Variants in KIF13B observed in about 807,000 individuals in gnomAD.
KIF13B encodes kinesin family member 13B, also known as kinesin-like protein KIF13B.
KIF13B carries 127 observed loss-of-function variants against 222.0 expected under a neutral mutation model. That is an observed-to-expected ratio of 0.57 (90% CI 0.50 to 0.66). KIF13B has a LOEUF of 0.66. KIF13B is among the 30% of genes least tolerant of loss of function. The pLI is 0.00. For missense variants in KIF13B, 2,173 were observed against 2,379.0 expected, an observed-to-expected ratio of 0.91 and a Z score of 1.80; for synonymous variants, 976 against 919.0, an observed-to-expected ratio of 1.06 and a Z score of -1.12.
At position 29,116,982 on chromosome 8, in the gene KIF13B, G is replaced by C; in HGVS notation, c.3686C>G (p.Ser1229Cys). The part of the protein sequence containing the change: ...GEVKAEASWD[S>C]AVHGCPQLSR... ...GAGCTGAGGGCAGCCATGCACCGCG[G>C]AGTCCCAGGAGGCTTCTGCTTTCAC... Residue 1229 changes from serine to cysteine, a missense_variant, in exon 31 of 40, where the codon TCC (serine) becomes TGC (cysteine). Ser to Cys is a moderately radical substitution (Grantham distance 112). This residue lies in a region of KIF13B where 1,480 missense variants were observed against 1,722.8 expected (regional missense o/e 0.86). Transcript: ENST00000524189. 6.3e-7 allele frequency: 1 copy of C among 1,594,586 alleles called. No individual in the cohort carries two copies. The highest frequency in any genetic ancestry group is 8.6e-7 in the Non-Finnish European group (1 of 1,166,422).
chr8:29,112,293 C>T (rs1028660585), intron 32 of KIF13B, among the ~76,000 whole-genome samples: 13 of 151,886 alleles, frequency 8.6e-5, no homozygotes, highest in Non-Finnish European at 1.5e-4. Flanking sequence ...ATTAGCTGGG[C>T]GTGGTGGCAC....
intron 2 of KIF13B, among the ~76,000 whole-genome samples, chr8:29,239,509 C>A (rs1453914437): frequency 2.0e-5 from 3 of 152,124 alleles, no homozygotes; most frequent in African/African-American, 7.2e-5. Context: ...AAGATGGGAA[C>A]AAGAGACACT....
At chr8:29,160,075 T>C (rs947832597) in intron 13 of KIF13B, among the ~76,000 whole-genome samples, 1 of 152,246 alleles carries the variant, frequency 6.6e-6, no homozygotes, top group African/African-American at 2.4e-5. Flanking sequence ...CAGCCCATTC[T>C]GGGCACTCCT....
chr8:29,258,580 T>C (rs1816569545), intron 1 of KIF13B, among the ~76,000 whole-genome samples: 2 of 152,192 alleles, frequency 1.3e-5, no homozygotes, highest in East Asian at 3.8e-4. Flanking sequence ...AGAATCTCCA[T>C]TCTGGCAGGC....
intron 21 of KIF13B, among the ~76,000 whole-genome samples, chr8:29,135,827 C>G (rs1339442177): frequency 6.6e-6 from 1 of 152,118 alleles, no homozygotes; most frequent in South Asian, 2.1e-4. Flanking sequence ...ACCCGGGAGG[C>G]GGAGGTTGCA....
intron 35 of KIF13B, among the ~76,000 whole-genome samples, chr8:29,107,705 T>A (rs867107867): frequency 1.3e-5 from 2 of 151,600 alleles, no homozygotes; most frequent in African/African-American, 4.8e-5. Flanking sequence ...GGACTACAGG[T>A]GCCCGCCACC....
Position 29,099,206 on chromosome 8 carries a change from G to A in KIF13B, c.4251C>T (p.Thr1417=). Residue 1417 remains threonine (T), a synonymous_variant, in exon 36 of 40, where the codon ACC becomes ACT. Transcript: ENST00000524189. Reference sequence around the variant, plus strand: ...CAGGAGCTATTCCTCTGGAAACTGTGGTTTGGGATACATCCTGCTGACTTT... The same window carrying A: ...CAGGAGCTATTCCTCTGGAAACTGTAGTTTGGGATACATCCTGCTGACTTT... ...RWESQQDVSQ[T]TVSRGIAPAP... is the part of the protein sequence containing the mutation. The A allele has an allele frequency of 6.2e-7, 1 of 1,613,422 alleles. No individual in the cohort carries two copies. The highest frequency in any genetic ancestry group is 8.5e-7 in the Non-Finnish European group (1 of 1,179,622).
chr8:29,157,830 C>CA (rs901426407), intron 13 of KIF13B, among the ~76,000 whole-genome samples: 2,068 of 94,026 alleles, frequency 0.022, 36 homozygotes, highest in African/African-American at 0.061. Flanking sequence ...GACCCTGCCT[C>CA]AAAAAAAAAA....
At chr8:29,197,868 T>C (rs1008659588) in intron 2 of KIF13B, among the ~76,000 whole-genome samples, 1 of 152,100 alleles carries the variant, frequency 6.6e-6, no homozygotes, top group African/African-American at 2.4e-5. Context: ...AATCAAACAA[T>C]TTAAGAATAA....
chr8:29,167,498 G>T lies in KIF13B; in HGVS notation c.1033C>A (p.Arg345=). 1 of 1,613,956 alleles carries T rather than the reference G, an allele frequency of 6.2e-7. No homozygotes were observed. The highest frequency in any genetic ancestry group is 8.5e-7 in the Non-Finnish European group (1 of 1,179,834). Residue 345 remains arginine, a synonymous_variant, in exon 11 of 40, where the codon CGG becomes AGG. Transcript: ENST00000524189. The part of the protein sequence containing the change: ...DNYDETLSTL[R]YADRAKHIVN... ...ATGTGCTTGGCTCGATCTGCATACC[G>T]CAGAGTTGAGAGGGTTTCATCATAG...
chr8:29,131,371 G>C (rs1468817222), intron 23 of KIF13B, among the ~76,000 whole-genome samples: 2 of 151,792 alleles, frequency 1.3e-5, no homozygotes, highest in Non-Finnish European at 2.9e-5. Context: ...GCAAATACAG[G>C]GGTTGTCTTT....
At chr8:29,116,109 CTG>C (rs1586799482) in intron 31 of KIF13B, among the ~76,000 whole-genome samples, 1 of 152,210 alleles carries the variant, frequency 6.6e-6, no homozygotes, top group East Asian at 1.9e-4. Flanking sequence ...ATCGCCCAGA[CTG>C]GACTCAAACT....
Position 29,148,767 on chromosome 8 carries a change from T to C in KIF13B, c.1623A>G (p.Arg541=), listed in dbSNP as rs760744045. 1 of 1,587,622 alleles carries C rather than the reference T, an allele frequency of 6.3e-7. No homozygotes were observed. The change falls in exon 16 of 40, where the codon AGA becomes AGG. Residue 541 remains arginine, a splice_region_variant and synonymous_variant. Coordinates refer to ENST00000524189, the MANE Select transcript of KIF13B (RefSeq NM_015254.4). ...RILWGNNHFF[R]LNLPKKKKKA... ...TCTTTTTCTTTTTAGGCAAATTGAG[T>C]CTTGGTGGGAAAAAGAGTATTATTT...
chr8:29,217,581 A>T (rs1022464864), intron 2 of KIF13B, among the ~76,000 whole-genome samples: 2 of 152,264 alleles, frequency 1.3e-5, no homozygotes, highest in Non-Finnish European at 2.9e-5. Context: ...TCCTTGTGAT[A>T]ATCTCAGTTC....
At chr8:29,253,852 A>AC (rs1563830219) in intron 1 of KIF13B, among the ~76,000 whole-genome samples, 1 of 150,242 alleles carries the variant, frequency 6.7e-6, no homozygotes, top group Non-Finnish European at 1.5e-5. Flanking sequence ...AAAAAAAAAA[A>AC]AAACCCGCTT....
chr8:29,194,758 G>A (rs983118957), intron 3 of KIF13B, among the ~76,000 whole-genome samples: 2 of 152,070 alleles, frequency 1.3e-5, no homozygotes, highest in Non-Finnish European at 2.9e-5. Context: ...GAAGCATAAA[G>A]GAAAAATCAA....
At chr8:29,150,138 T>C (rs1811234192) in intron 15 of KIF13B, among the ~76,000 whole-genome samples, 159 bp downstream of exon 15, 1 of 152,196 alleles carries the variant, frequency 6.6e-6, no homozygotes, top group South Asian at 2.1e-4. Context: ...ATACAGTGAA[T>C]GAACACACAC....
At chr8:29,137,770 A>G (rs573896301) in intron 21 of KIF13B, among the ~76,000 whole-genome samples, 4 of 152,340 alleles carry the variant, frequency 2.6e-5, no homozygotes, top group Admixed American at 2.6e-4. Flanking sequence ...GGCTGATTCC[A>G]GGTCTGGGAC....
At chr8:29,100,732 G>A (rs1476093814) in intron 35 of KIF13B, among the ~76,000 whole-genome samples, 1 of 152,206 alleles carries the variant, frequency 6.6e-6, no homozygotes, top group Non-Finnish European at 1.5e-5. Context: ...TTACAGGCGT[G>A]AGCCAACGCG....
Sources: gnomAD v4.1 joint callset for allele counts (sites outside exome capture counted in the v4.1 genomes callset) on GRCh38, gnomAD v4.1.1 for gene constraint, gnomAD v4.1.1 regional missense constraint, MANE v1.5 for transcripts, NCBI Gene and HGNC (gene_info 2026-07-23, HGNC 2026-07-21) for gene names.